ERCC6L2: variants seen among roughly 807,000 people sequenced by gnomAD.
ERCC6L2 encodes the protein DNA excision repair protein ERCC-6-like 2.
ERCC6L2 carries 77 observed loss-of-function variants against 132.0 expected under a neutral mutation model. The ratio of observed to expected loss-of-function variants is 0.58; its 90% confidence interval spans 0.49 to 0.71. The LOEUF is 0.71. Ranked by LOEUF, ERCC6L2 falls within the 30% of genes least tolerant of loss-of-function variation. The pLI is 0.00. For missense variants in ERCC6L2, 1,542 were observed against 1,837.6 expected (o/e 0.84, Z 2.94); for synonymous variants, 583 against 632.4 (o/e 0.92, Z 1.17).
At chr9:95,941,578 C>G in intron 12 of ERCC6L2, 29 bp downstream of exon 12, 2 of 1,447,778 alleles carry the variant, frequency 1.4e-6, no homozygotes, top group Non-Finnish European at 9.7e-7. Flanking sequence ...TTAAAGTGAT[C>G]TGCAAATACT....
chr9:96,031,363 A>G (rs1459677478), intron 19 of ERCC6L2, among the ~76,000 whole-genome samples: 2 of 152,218 alleles, frequency 1.3e-5, no homozygotes. Flanking sequence ...GTGACACTTC[A>G]GCCACAGTCC....
At chr9:95,963,497 T>A (rs1832008517) in intron 13 of ERCC6L2, among the ~76,000 whole-genome samples, 1 of 152,244 alleles carries the variant, frequency 6.6e-6, no homozygotes. Flanking sequence ...CACTCAGTTG[T>A]ATATACGGTT....
In ERCC6L2 at chr9:96,012,106, G is replaced by A. The variant is rs548791994; in HGVS notation, c.3675-119G>A. The A allele has an allele frequency of 1.1e-4, 67 of 592,464 alleles. No individual in the cohort carries two copies. The South Asian group carries it at 1.2e-3, about 11-fold the overall frequency. The allele number at this position is 592,464 out of a possible 1,614,324, so 36.7% of individuals were successfully genotyped here. On this transcript the variant is annotated intron_variant, in intron 18 of 18. Transcript: ENST00000653738. Reference sequence around the variant, plus strand: ...GTTTTCATTGTGGAATTCAGCAGACGTATGCTAAAGGAACAAGATTACCTT... The same window carrying A: ...GTTTTCATTGTGGAATTCAGCAGACATATGCTAAAGGAACAAGATTACCTT...
intron 7 of ERCC6L2, among the ~76,000 whole-genome samples, chr9:95,921,853 A>C (rs1829883183): frequency 6.6e-6 from 1 of 152,178 alleles, no homozygotes; most frequent in Non-Finnish European, 1.5e-5. Context: ...GAGAAACCCT[A>C]AGTGAATATT....
rs147687528 is a variant in ERCC6L2 at position 95,914,137 on chromosome 9, C to G, written c.789-1531C>G. On this transcript the variant is annotated intron_variant, in intron 4 of 18. Coordinates refer to ENST00000653738, the MANE Select transcript of ERCC6L2 (RefSeq NM_020207.7). ...TTTGAGGATTCTGGTTTCTCCACATCCTTACCAACACTTGATATTGTTAAT... is the reference window on the plus strand; with the variant it reads ...TTTGAGGATTCTGGTTTCTCCACATGCTTACCAACACTTGATATTGTTAAT... Among the ~76,000 whole-genome samples the G allele has an allele frequency of 5.5e-4, 84 of 152,316 alleles. No homozygotes were observed. In the East Asian group the frequency reaches 0.016, roughly 28 times the overall value.
chr9:95,972,901 C>T lies in ERCC6L2; in HGVS notation c.3150C>T (p.Val1050=), dbSNP rs748788906. Residue 1050 remains valine, a synonymous_variant, in exon 16 of 19, where the codon GTC becomes GTT. Coordinates refer to ENST00000653738, the MANE Select transcript of ERCC6L2 (RefSeq NM_020207.7). ...CATCCTCAGATGAGAGTTTATCCGTCAGCCACTTCAGTTTCTCTAAACAGA... is the reference window on the plus strand; with the variant it reads ...CATCCTCAGATGAGAGTTTATCCGTTAGCCACTTCAGTTTCTCTAAACAGA... The part of the protein sequence containing the change: ...DYSSSDESLS[V]SHFSFSKQSH... 1.4e-5 allele frequency: 18 copies of T among 1,305,380 alleles called. No individual in the cohort carries two copies. Among genetic ancestry groups the T allele is most frequent in the Non-Finnish European group, 1.8e-5 (18 of 989,020 alleles). 80.9% of individuals were successfully genotyped at this position (1,305,380 alleles called of 1,614,324 possible). A position where few individuals can be genotyped will look rare whatever the true frequency, so the allele number is the denominator to read the frequency against.
rs151217130 is a variant in ERCC6L2, at chr9:95,971,852, G to C, written c.2182-81G>C. On this transcript the variant is annotated intron_variant, in intron 15 of 18. Coordinates refer to ENST00000653738, the MANE Select transcript of ERCC6L2 (RefSeq NM_020207.7). Reference sequence around the variant, plus strand: ...TGATATACTTGTACCTAAATTACCTGCCCAAAGTTGAGTACTTTTCAGTTG... The same window carrying C: ...TGATATACTTGTACCTAAATTACCTCCCCAAAGTTGAGTACTTTTCAGTTG... 4 of 905,004 alleles carry C rather than the reference G, an allele frequency of 4.4e-6. No homozygotes were observed. In the African/African-American group the frequency reaches 7.0e-5, roughly 16 times the overall value. 56.1% of individuals were successfully genotyped at this position (905,004 alleles called of 1,614,324 possible).
intron 12 of ERCC6L2, among the ~76,000 whole-genome samples, chr9:95,955,153 A>T (rs1831538033): frequency 6.6e-6 from 1 of 152,180 alleles, no homozygotes; most frequent in African/African-American, 2.4e-5. Context: ...GTGATGAATC[A>T]GTTTAGAATT....
intron 17 of ERCC6L2, among the ~76,000 whole-genome samples, chr9:95,980,736 T>G (rs1832856636): frequency 6.6e-6 from 1 of 151,852 alleles, no homozygotes; most frequent in Non-Finnish European, 1.5e-5. Context: ...TTGAAAAAAA[T>G]TAAAAAGTTA....
chr9:96,011,549 GA>G (rs1423660361), intron 18 of ERCC6L2, among the ~76,000 whole-genome samples: 2 of 152,288 alleles, frequency 1.3e-5, no homozygotes, highest in African/African-American at 4.8e-5. Flanking sequence ...CAAGGTTCTT[GA>G]AGGCCCATTT....
chr9:95,905,072 C>T (rs538593776), intron 3 of ERCC6L2: 2 of 152,202 alleles, frequency 1.3e-5, no homozygotes, highest in East Asian at 3.9e-4. Flanking sequence ...AGGGTCGGAC[C>T]TGGTTAGTAC....
chr9:96,037,025 C>T (rs1056183691), intron 19 of ERCC6L2, among the ~76,000 whole-genome samples: 11 of 152,206 alleles, frequency 7.2e-5, no homozygotes, highest in African/African-American at 2.6e-4. Flanking sequence ...CTCGGCCTCC[C>T]AAAGTGCTGG....
At chr9:95,907,494 C>G (rs1005052457) in intron 4 of ERCC6L2, among the ~76,000 whole-genome samples, 1 of 151,562 alleles carries the variant, frequency 6.6e-6, no homozygotes, top group Admixed American at 6.6e-5. Flanking sequence ...TGTGAGCCAC[C>G]GTGCCAAGCC....
chr9:95,937,581 G>A (rs1051818197), intron 11 of ERCC6L2, among the ~76,000 whole-genome samples: 6 of 151,786 alleles, frequency 4.0e-5, no homozygotes, highest in South Asian at 4.2e-4. Flanking sequence ...AGTGGTTTGC[G>A]GTTTTTGAGG....
intron 13 of ERCC6L2, among the ~76,000 whole-genome samples, chr9:95,957,134 T>C (rs576627219): frequency 7.2e-5 from 11 of 152,218 alleles, no homozygotes; most frequent in Non-Finnish European, 1.3e-4. Context: ...ACTTCATTTA[T>C]GCCTCTAAAC....
At chr9:96,000,179 G>A (rs1013400124) in intron 17 of ERCC6L2, among the ~76,000 whole-genome samples, 2 of 152,016 alleles carry the variant, frequency 1.3e-5, no homozygotes, top group Admixed American at 6.6e-5. Flanking sequence ...GAGCCACCGC[G>A]CCTGGCCAAG....
At chr9:95,921,413 C>T in intron 7 of ERCC6L2, 98 bp downstream of exon 7, 1 of 940,954 alleles carries the variant, frequency 1.1e-6, no homozygotes, top group Non-Finnish European at 1.5e-6. Flanking sequence ...ACCTTTTCCT[C>T]AGACAGTTCT....
chr9:95,897,618 G>C (rs1828536746), intron 2 of ERCC6L2, among the ~76,000 whole-genome samples: 1 of 152,132 alleles, frequency 6.6e-6, no homozygotes, highest in African/African-American at 2.4e-5. Flanking sequence ...TGGGTAGGTA[G>C]AAGTTATGAA....
At chr9:95,956,274 T>C (rs936592919) in intron 13 of ERCC6L2, among the ~76,000 whole-genome samples, 7 of 152,144 alleles carry the variant, frequency 4.6e-5, no homozygotes, top group African/African-American at 1.7e-4. Context: ...AAAATACTGA[T>C]TGTGATTTAG....
Sources: allele counts gnomAD v4.1 joint callset (sites outside exome capture counted in the v4.1 genomes callset), GRCh38; gene constraint gnomAD v4.1.1; transcripts MANE v1.5; gene names NCBI Gene and HGNC (gene_info 2026-07-23, HGNC 2026-07-21).